AFF3: variants seen among roughly 807,000 people sequenced by gnomAD.
The protein encoded by AFF3 is ALF transcription elongation factor 3.
Under a neutral mutation model 129.7 loss-of-function variants are expected in AFF3, and 32 were observed. That is an observed-to-expected ratio of 0.25 (90% confidence interval 0.19 to 0.33). The LOEUF is 0.33. AFF3 is among the 10% of genes least tolerant of loss of function. AFF3 has a pLI of 1.00. For missense variants in AFF3, 1,373 were observed against 1,592.0 expected, an observed-to-expected ratio of 0.86 and a Z score of 2.34; for synonymous variants, 644 against 635.4, an observed-to-expected ratio of 1.01 and a Z score of -0.20.
chr2:99,912,003 T>A (rs986230981), intron 7 of AFF3, among the ~76,000 whole-genome samples: 1 of 152,136 alleles, frequency 6.6e-6, no homozygotes, highest in African/African-American at 2.4e-5. Flanking sequence ...AGGAATAGAA[T>A]CCATCTACAG....
At chr2:99,851,732 A>T (rs1263009378) in intron 7 of AFF3, among the ~76,000 whole-genome samples, 1 of 152,202 alleles carries the variant, frequency 6.6e-6, no homozygotes, top group Non-Finnish European at 1.5e-5. Context: ...TGCTTTCTAG[A>T]CACATAATTG....
At chr2:99,841,183 A>G (rs921355904) in intron 7 of AFF3, among the ~76,000 whole-genome samples, 1 of 152,266 alleles carries the variant, frequency 6.6e-6, no homozygotes, top group African/African-American at 2.4e-5. Context: ...TGTAGTTTAT[A>G]TAAATGACAG....
intron 4 of AFF3, among the ~76,000 whole-genome samples, chr2:100,019,229 G>A (rs564196319): frequency 3.3e-5 from 5 of 152,204 alleles, no homozygotes; most frequent in East Asian, 1.9e-4. Flanking sequence ...AATCCAACTC[G>A]ACTTCTTTTT....
intron 10 of AFF3, among the ~76,000 whole-genome samples, chr2:99,731,472 C>T (rs1340291133): frequency 6.6e-6 from 1 of 152,092 alleles, no homozygotes; most frequent in Non-Finnish European, 1.5e-5. Flanking sequence ...TCTTTTCTTT[C>T]ATACCATGTA....
chr2:99,582,008 C>T (rs1376707045), intron 17 of AFF3, among the ~76,000 whole-genome samples: 1 of 152,026 alleles, frequency 6.6e-6, no homozygotes. Context: ...GCGCCTGCCA[C>T]CACGCTAGGC....
At chr2:99,826,291 G>A (rs1380926123) in intron 8 of AFF3, among the ~76,000 whole-genome samples, 2 of 152,202 alleles carry the variant, frequency 1.3e-5, no homozygotes, top group Admixed American at 6.5e-5. Context: ...TGGGATTACA[G>A]GCGTGAGCCA....
intron 8 of AFF3, among the ~76,000 whole-genome samples, chr2:99,761,552 C>T (rs542363942): frequency 1.3e-5 from 2 of 152,312 alleles, no homozygotes; most frequent in Admixed American, 1.3e-4. Context: ...CCTTGGGCAT[C>T]CCCACCTCAC....
chr2:99,876,728 C>T (rs563607283), intron 7 of AFF3, among the ~76,000 whole-genome samples: 37 of 152,188 alleles, frequency 2.4e-4, no homozygotes, highest in Admixed American at 7.9e-4. Context: ...CTAGTGCCTC[C>T]GCACCCTCAT....
chr2:99,854,708 G>A (rs930542491), intron 7 of AFF3, among the ~76,000 whole-genome samples: 1 of 152,028 alleles, frequency 6.6e-6, no homozygotes, highest in African/African-American at 2.4e-5. Flanking sequence ...GGTAGAGCTT[G>A]GCCTCTTTTC....
chr2:99,600,351 G>A (rs1181186134), intron 14 of AFF3, among the ~76,000 whole-genome samples: 1 of 152,162 alleles, frequency 6.6e-6, no homozygotes, highest in Non-Finnish European at 1.5e-5. Context: ...TTAGCCTCCT[G>A]AAAGAAGTAG....
intron 2 of AFF3, among the ~76,000 whole-genome samples, chr2:100,122,207 A>G (rs1692008455): frequency 6.6e-6 from 1 of 152,272 alleles, no homozygotes; most frequent in South Asian, 2.1e-4. Context: ...GACACAACTT[A>G]CATCATTCTA....
chr2:99,710,991 G>C (rs1473469426), intron 11 of AFF3, among the ~76,000 whole-genome samples: 1 of 152,102 alleles, frequency 6.6e-6, no homozygotes, highest in Non-Finnish European at 1.5e-5. Flanking sequence ...CGGTTTCCAA[G>C]GCCCCCATCA....
At chr2:100,044,939 A>AAG (rs761600293) in intron 4 of AFF3, among the ~76,000 whole-genome samples, 6 of 152,054 alleles carry the variant, frequency 3.9e-5, no homozygotes, top group Non-Finnish European at 7.4e-5. Flanking sequence ...AGCAGACATG[A>AAG]AGAGAGAGAT....
At chr2:99,666,876 CAACT>C (rs1007785785) in intron 12 of AFF3, among the ~76,000 whole-genome samples, 4 of 152,018 alleles carry the variant, frequency 2.6e-5, no homozygotes, top group Non-Finnish European at 4.4e-5. Flanking sequence ...GTACACACAC[CAACT>C]AACAGAGCTG....
intron 19 of AFF3, among the ~76,000 whole-genome samples, chr2:99,567,889 G>T (rs1183523020): frequency 1.3e-5 from 2 of 152,208 alleles, no homozygotes; most frequent in East Asian, 3.9e-4. Flanking sequence ...TTCTCCAAGA[G>T]TGGCCATTCA....
chr2:99,554,254 G>C, intron 24 of AFF3, 57 bp downstream of exon 24: 1 of 1,580,974 alleles, frequency 6.3e-7, no homozygotes, highest in Admixed American at 1.7e-5. Context: ...CGAGGCAGAA[G>C]AATCGCTTGA....
At chr2:100,094,036 G>A (rs1371648211) in intron 4 of AFF3, among the ~76,000 whole-genome samples, 1 of 152,166 alleles carries the variant, frequency 6.6e-6, no homozygotes, top group Non-Finnish European at 1.5e-5. Flanking sequence ...ATGACAGACA[G>A]CTCATATATT....
intron 11 of AFF3, among the ~76,000 whole-genome samples, chr2:99,703,519 A>T (rs1677071820): frequency 6.6e-6 from 1 of 152,156 alleles, no homozygotes; most frequent in Non-Finnish European, 1.5e-5. Flanking sequence ...GTTCCACTCC[A>T]CCAATCTCCG....
chr2:99,670,791 T>C (rs535094213), intron 12 of AFF3, among the ~76,000 whole-genome samples: 4 of 152,334 alleles, frequency 2.6e-5, no homozygotes, highest in Admixed American at 6.5e-5. Context: ...GGGATTAATG[T>C]ATAAAAATTA....
Sources: allele counts gnomAD v4.1 joint callset (sites outside exome capture counted in the v4.1 genomes callset), GRCh38; gene constraint gnomAD v4.1.1; transcripts MANE v1.5; gene names NCBI Gene and HGNC (gene_info 2026-07-23, HGNC 2026-07-21).